CABCOCO1: variants seen among roughly 807,000 people sequenced by gnomAD.
The protein encoded by CABCOCO1 is ciliary associated calcium binding coiled-coil 1.
Under a neutral mutation model 35.7 loss-of-function variants are expected in CABCOCO1, and 28 were observed. The observed-to-expected ratio is 0.78, with a 90% CI of 0.58 to 1.07. The LOEUF (loss-of-function observed/expected upper bound fraction) is 1.07. Ranked by LOEUF, CABCOCO1 falls within the 50% of genes least tolerant of loss-of-function variation. The pLI, the probability that CABCOCO1 is intolerant of heterozygous loss-of-function variation, is 0.00. For missense variants in CABCOCO1, 326 were observed against 309.2 expected, an observed-to-expected ratio of 1.05 and a Z score of -0.41; for synonymous variants, 95 against 100.1, an observed-to-expected ratio of 0.95 and a Z score of 0.30.
At chr10:61,712,080 C>T (rs1377299708) in intron 5 of CABCOCO1, among the ~76,000 whole-genome samples, 1 of 152,132 alleles carries the variant, frequency 6.6e-6, no homozygotes, top group African/African-American at 2.4e-5. Flanking sequence ...AATGGTTGAA[C>T]TAATTTACAC....
intron 5 of CABCOCO1, among the ~76,000 whole-genome samples, chr10:61,741,839 A>C (rs1841555044): frequency 1.3e-5 from 2 of 152,212 alleles, no homozygotes; most frequent in African/African-American, 4.8e-5. Flanking sequence ...GCTTTTTAAT[A>C]AAAGTAATTT....
At chr10:61,723,441 T>C (rs1841070974) in intron 5 of CABCOCO1, among the ~76,000 whole-genome samples, 1 of 152,196 alleles carries the variant, frequency 6.6e-6, no homozygotes, top group South Asian at 2.1e-4. Context: ...TTATTTAACA[T>C]TTACGTGACT....
intron 3 of CABCOCO1, among the ~76,000 whole-genome samples, chr10:61,683,844 G>T (rs1161769385): frequency 6.6e-6 from 1 of 151,992 alleles, no homozygotes; most frequent in Non-Finnish European, 1.5e-5. Context: ...ATTATCTACA[G>T]AAAGACATTA....
chr10:61,751,527 A>G (rs1381312969), intron 5 of CABCOCO1, among the ~76,000 whole-genome samples: 1 of 152,138 alleles, frequency 6.6e-6, no homozygotes, highest in East Asian at 1.9e-4. Flanking sequence ...AAGGAATTGG[A>G]GGAGGAGCAG....
Position 61,670,282 on chromosome 10 carries a change from C to A in CABCOCO1, c.61-2350C>A, listed in dbSNP as rs144100177. ...CCATATATTATAGATCAAAACAGTA[C>A]CTTAAACAAAAACTGGGTGCATTTA... On this transcript the variant is annotated intron_variant, in intron 1 of 7. Transcript: ENST00000648843. 2.2e-3 allele frequency among the ~76,000 whole-genome samples: 329 copies of A among 151,672 alleles called. 1 individual carries two copies. Among genetic ancestry groups the A allele is most frequent in the Non-Finnish European group, 3.5e-3 (235 of 67,906 alleles).
intron 5 of CABCOCO1, among the ~76,000 whole-genome samples, chr10:61,735,786 TCA>T (rs1841402420): frequency 1.3e-5 from 2 of 152,272 alleles, no homozygotes; most frequent in South Asian, 2.1e-4. Context: ...CTCACAATTC[TCA>T]CTCAGTCTTT....
chr10:61,704,564 CCTGA>C (rs1438679170), intron 5 of CABCOCO1, among the ~76,000 whole-genome samples: 4 of 152,156 alleles, frequency 2.6e-5, no homozygotes, highest in Admixed American at 2.0e-4. Context: ...TGAATGCAGG[CCTGA>C]CTGACAGCTT....
rs1842113051 is a variant in CABCOCO1 at position 61,766,430 on chromosome 10, A to G, written c.*417A>G. 6.5e-6 allele frequency: 1 copy of G among 154,754 alleles called. No individual in the cohort carries two copies. The highest frequency in any genetic ancestry group is 6.4e-5 in the Admixed American group (1 of 15,700). 9.6% of individuals were successfully genotyped at this position (154,754 alleles called of 1,614,324 possible). ...AAACGGACTGCCACGTTACTGGAAC[A>G]CTGTGAAAACATACCAGTACCACAC... On this transcript the variant is annotated 3_prime_UTR_variant, in exon 8 of 8. Coordinates refer to ENST00000648843, the MANE Select transcript of CABCOCO1 (RefSeq NM_001366906.2).
intron 5 of CABCOCO1, among the ~76,000 whole-genome samples, chr10:61,755,476 C>CT (rs1369908202): frequency 3.9e-5 from 6 of 152,048 alleles, no homozygotes; most frequent in Non-Finnish European, 8.8e-5. Context: ...ACATTTTATA[C>CT]TAAGTTCTGA....
intron 5 of CABCOCO1, among the ~76,000 whole-genome samples, chr10:61,720,056 A>G (rs1395266695): frequency 6.6e-6 from 1 of 152,170 alleles, no homozygotes. Flanking sequence ...TGAAGGAAAC[A>G]GTAGAACGAA....
At chr10:61,683,080 G>A (rs947467291) in intron 3 of CABCOCO1, among the ~76,000 whole-genome samples, 2 of 151,836 alleles carry the variant, frequency 1.3e-5, no homozygotes, top group Non-Finnish European at 2.9e-5. Flanking sequence ...TAGTACAGAC[G>A]GGGTTTCGCC....
At chr10:61,690,844 T>C (rs1840116928) in intron 5 of CABCOCO1, among the ~76,000 whole-genome samples, 1 of 152,154 alleles carries the variant, frequency 6.6e-6, no homozygotes, top group Non-Finnish European at 1.5e-5. Flanking sequence ...ATTTATACTT[T>C]GTGTATTTAT....
chr10:61,707,378 C>G (rs961983236), intron 5 of CABCOCO1, among the ~76,000 whole-genome samples: 1 of 152,080 alleles, frequency 6.6e-6, no homozygotes, highest in Admixed American at 6.6e-5. Flanking sequence ...TGTGGCAGAA[C>G]CTCCCTGGCA....
intron 5 of CABCOCO1, among the ~76,000 whole-genome samples, 187 bp from the exon 6 acceptor site, chr10:61,759,872 T>C (rs772671937): frequency 3.9e-5 from 6 of 152,020 alleles, no homozygotes; most frequent in Non-Finnish European, 7.4e-5. Flanking sequence ...AAACAAAGTG[T>C]TAATTTTGAG....
chr10:61,728,648 C>A (rs2132051098), intron 5 of CABCOCO1, among the ~76,000 whole-genome samples: 1 of 151,990 alleles, frequency 6.6e-6, no homozygotes, highest in South Asian at 2.1e-4. Flanking sequence ...TAAATAGATC[C>A]CAAAGGATTA....
At chr10:61,739,657 TG>T (rs991130767) in intron 5 of CABCOCO1, among the ~76,000 whole-genome samples, 1 of 152,090 alleles carries the variant, frequency 6.6e-6, no homozygotes, top group African/African-American at 2.4e-5. Context: ...AATGGACTTA[TG>T]TAAAAAATAT....
At chr10:61,686,245 T>C in intron 4 of CABCOCO1, 60 bp downstream of exon 4, 3 of 1,405,716 alleles carry the variant, frequency 2.1e-6, no homozygotes, top group Non-Finnish European at 2.9e-6. Context: ...AAATGTCTGT[T>C]AAGTAAAAAG....
chr10:61,738,265 T>A (rs986755780), intron 5 of CABCOCO1, among the ~76,000 whole-genome samples: 7 of 152,118 alleles, frequency 4.6e-5, no homozygotes, highest in Admixed American at 1.3e-4. Context: ...GAGACAGGAA[T>A]GGAGGCCAGT....
At chr10:61,721,034 C>T (rs1841002358) in intron 5 of CABCOCO1, among the ~76,000 whole-genome samples, 1 of 149,258 alleles carries the variant, frequency 6.7e-6, no homozygotes, top group Non-Finnish European at 1.5e-5. Flanking sequence ...ACGCCATTCT[C>T]CCGCCTCAGC....
Sources: gnomAD v4.1 joint callset for allele counts (sites outside exome capture counted in the v4.1 genomes callset) on GRCh38, gnomAD v4.1.1 for gene constraint, MANE v1.5 for transcripts, NCBI Gene and HGNC (gene_info 2026-07-23, HGNC 2026-07-21) for gene names.